Variants in PRKCA observed in about 807,000 individuals in gnomAD.
The protein encoded by PRKCA is protein kinase C alpha, also known as protein kinase C alpha type.
PRKCA carries 27 observed loss-of-function variants against 87.0 expected under a neutral mutation model. The observed-to-expected ratio is 0.31, with a 90% CI of 0.23 to 0.43. The LOEUF is 0.43. Among genes scored for constraint, PRKCA ranks in the 20% least tolerant of loss-of-function variants. The pLI, the probability that PRKCA is intolerant of heterozygous loss-of-function variation, is 1.00. For missense variants in PRKCA, 518 were observed against 852.3 expected, an observed-to-expected ratio of 0.61 and a Z score of 4.88; for synonymous variants, 329 against 311.1, an observed-to-expected ratio of 1.06 and a Z score of -0.61.
At chr17:66,340,342 T>A (rs546927603) in intron 2 of PRKCA, among the ~76,000 whole-genome samples, 10 of 151,744 alleles carry the variant, frequency 6.6e-5, no homozygotes, top group Non-Finnish European at 1.5e-4. Context: ...ATCCTGGTAT[T>A]TGAACTGGCA....
intron 14 of PRKCA, chr17:66,774,787 CT>C: frequency 1.0e-6 from 1 of 985,368 alleles, no homozygotes; most frequent in South Asian, 4.7e-5. Flanking sequence ...AGACAGTTAC[CT>C]TGAAGAAGTG....
intron 3 of PRKCA, among the ~76,000 whole-genome samples, chr17:66,530,493 G>A (rs765742550): frequency 1.3e-5 from 2 of 152,158 alleles, no homozygotes; most frequent in East Asian, 1.9e-4. Context: ...AAAGCACCAC[G>A]GGAGCTTTGC....
intron 8 of PRKCA, among the ~76,000 whole-genome samples, chr17:66,710,584 G>T (rs16960087): frequency 0.067 from 10,159 of 152,044 alleles, 378 homozygotes; most frequent in South Asian, 0.14. Context: ...AGGATGCACC[G>T]CGTGTTCTGG....
chr17:66,753,387 T>C (rs1023825137), intron 13 of PRKCA, among the ~76,000 whole-genome samples: 2 of 152,172 alleles, frequency 1.3e-5, no homozygotes, highest in African/African-American at 4.8e-5. Context: ...GAGGAGTCAG[T>C]GGATGGCTGT....
At chr17:66,472,587 G>A (rs184051790) in intron 2 of PRKCA, among the ~76,000 whole-genome samples, 1 of 152,278 alleles carries the variant, frequency 6.6e-6, no homozygotes, top group Non-Finnish European at 1.5e-5. Flanking sequence ...TGCCAAAATA[G>A]AAGTGAAGAG....
intron 2 of PRKCA, among the ~76,000 whole-genome samples, chr17:66,401,589 G>A (rs1361895000): frequency 6.6e-6 from 1 of 152,200 alleles, no homozygotes; most frequent in Non-Finnish European, 1.5e-5. Context: ...CAATGTGGAG[G>A]TGGAGGCAGA....
rs141297456 is a variant in PRKCA at position 66,581,622 on chromosome 17, C to T, written c.289-59733C>T. On this transcript the variant is annotated intron_variant, in intron 3 of 16. Transcript: ENST00000413366. ...TCCCATGTAGCTGGGACTACAGGCA[C>T]CCGCCACCACGCCTGGCTAATTTTT... Among the ~76,000 whole-genome samples the T allele has an allele frequency of 4.0e-3, 603 of 152,110 alleles. 7 individuals are homozygous for T. The highest frequency in any genetic ancestry group is 0.014 in the African/African-American group (578 of 41,490).
chr17:66,439,398 T>C (rs1276480744), intron 2 of PRKCA, among the ~76,000 whole-genome samples: 1 of 152,150 alleles, frequency 6.6e-6, no homozygotes, highest in African/African-American at 2.4e-5. Context: ...GCCAGGCTGG[T>C]CTCGAACTCC....
At chr17:66,566,461 G>A (rs2143351625) in intron 3 of PRKCA, among the ~76,000 whole-genome samples, 1 of 140,388 alleles carries the variant, frequency 7.1e-6, no homozygotes, top group African/African-American at 2.6e-5. Flanking sequence ...GCATTGTGAA[G>A]AACTGTTGTT....
At chr17:66,796,419 C>T (rs1392142347) in intron 16 of PRKCA, 5 of 984,474 alleles carry the variant, frequency 5.1e-6, no homozygotes, top group Non-Finnish European at 4.8e-6. Context: ...TTCTCCAAAT[C>T]CTCTCCTTTG....
intron 3 of PRKCA, among the ~76,000 whole-genome samples, chr17:66,571,951 T>C (rs961193519): frequency 2.0e-5 from 3 of 152,202 alleles, no homozygotes; most frequent in African/African-American, 7.2e-5. Context: ...ATGTTGACAT[T>C]CCATCCAGTG....
At chr17:66,541,140 C>T (rs1967972216) in intron 3 of PRKCA, among the ~76,000 whole-genome samples, 1 of 152,120 alleles carries the variant, frequency 6.6e-6, no homozygotes, top group Admixed American at 6.5e-5. Context: ...TTTGGAAGCA[C>T]GAGCTCTAGT....
At chr17:66,537,844 C>T (rs1336100987) in intron 3 of PRKCA, among the ~76,000 whole-genome samples, 1 of 152,136 alleles carries the variant, frequency 6.6e-6, no homozygotes, top group African/African-American at 2.4e-5. Context: ...CTTGCTCTGT[C>T]ACCCAGGCTG....
chr17:66,470,366 C>T (rs1915272980), intron 2 of PRKCA, among the ~76,000 whole-genome samples: 1 of 114,994 alleles, frequency 8.7e-6, no homozygotes, highest in Non-Finnish European at 1.7e-5. Context: ...GCTGGGATTA[C>T]AGGCACCCCC....
In PRKCA at chr17:66,558,916, C is replaced by T. The variant is rs536273684; in HGVS notation, c.288+62633C>T. ...CGGACCGGGCATGCTTCTCAGTTAA[C>T]ATCTGATGCTGCCCTACTAAAGGCA... On this transcript the variant is annotated intron_variant, in intron 3 of 16. Coordinates refer to ENST00000413366, the MANE Select transcript of PRKCA (RefSeq NM_002737.3). Among the ~76,000 whole-genome samples, 3 of 152,284 alleles carry T rather than the reference C, an allele frequency of 2.0e-5. No individual in the cohort carries two copies. In the East Asian group the frequency reaches 5.8e-4, roughly 29 times the overall value.
intron 3 of PRKCA, among the ~76,000 whole-genome samples, chr17:66,587,790 CATATATACGTATATGTGTGT>C (rs1216715862): frequency 1.1e-5 from 1 of 93,664 alleles, no homozygotes; most frequent in African/African-American, 4.2e-5. Flanking sequence ...TATATGTATA[CATATATACGTATATGTGTGT>C]GTATATGTAT....
chr17:66,534,393 T>C (rs1360089999), intron 3 of PRKCA, among the ~76,000 whole-genome samples: 1 of 152,032 alleles, frequency 6.6e-6, no homozygotes, highest in Non-Finnish European at 1.5e-5. Context: ...TTGGGCTGGG[T>C]GTGGTAGCAC....
At chr17:66,548,955 A>G (rs1290729381) in intron 3 of PRKCA, among the ~76,000 whole-genome samples, 6 of 151,888 alleles carry the variant, frequency 4.0e-5, no homozygotes, top group African/African-American at 1.5e-4. Context: ...CCACAAGTGC[A>G]CTACCACACC....
chr17:66,498,113 A>G (rs1916559888), intron 3 of PRKCA, among the ~76,000 whole-genome samples: 1 of 152,038 alleles, frequency 6.6e-6, no homozygotes, highest in Admixed American at 6.6e-5. Flanking sequence ...AGTTAGTGTC[A>G]TTCCCCTGCC....
Sources: gnomAD v4.1 joint callset for allele counts (sites outside exome capture counted in the v4.1 genomes callset) on GRCh38, gnomAD v4.1.1 for gene constraint, MANE v1.5 for transcripts, NCBI Gene and HGNC (gene_info 2026-07-23, HGNC 2026-07-21) for gene names.